Variants in PDE11A observed in about 807,000 individuals in gnomAD.
The protein encoded by PDE11A is dual 3',5'-cyclic-AMP and -GMP phosphodiesterase 11A.
In PDE11A, 100 loss-of-function variants were observed where a neutral mutation model predicts 100.5. That is an observed-to-expected ratio of 1.00 (90% CI 0.85 to 1.18). The LOEUF (loss-of-function observed/expected upper bound fraction) is 1.18, where lower values mean the gene tolerates loss of function less well. Ranked by LOEUF, PDE11A falls within the 50% of genes most tolerant of loss-of-function variation. The pLI, the probability that PDE11A is intolerant of heterozygous loss-of-function variation, is 0.00. For missense variants in PDE11A, 1,141 were observed against 1,152.6 expected (o/e 0.99, Z 0.15); for synonymous variants, 381 against 420.8 (o/e 0.91, Z 1.16).
intron 4 of PDE11A, among the ~76,000 whole-genome samples, chr2:177,887,250 A>G (rs2084450341): frequency 6.6e-6 from 1 of 152,246 alleles, no homozygotes; most frequent in African/African-American, 2.4e-5. Context: ...TCAAAAACAC[A>G]TAATTAATAC....
At chr2:177,752,630 G>A (rs1262427415) in intron 10 of PDE11A, among the ~76,000 whole-genome samples, 6 of 152,136 alleles carry the variant, frequency 3.9e-5, no homozygotes, top group Non-Finnish European at 8.8e-5. Context: ...TTGCAAGTTC[G>A]GGTTTATTTA....
At chr2:177,899,323 C>T (rs1248174030) in intron 3 of PDE11A, among the ~76,000 whole-genome samples, 1 of 152,116 alleles carries the variant, frequency 6.6e-6, no homozygotes, top group African/African-American at 2.4e-5. Context: ...GGCAGAATTG[C>T]TTGAACCCAG....
intron 9 of PDE11A, among the ~76,000 whole-genome samples, chr2:177,805,987 A>T (rs1190801026): frequency 6.6e-6 from 1 of 152,182 alleles, no homozygotes; most frequent in Admixed American, 6.6e-5. Context: ...CATATCTGGG[A>T]CCAATTGGTT....
At position 177,625,147 on chromosome 2, in the gene PDE11A, A is replaced by G. The variant is rs540784656; in HGVS notation, c.*4260T>C. Reference sequence around the variant, plus strand: ...ATAATTAGAGACAGGCTCAAGATACATCTGTAGTATGATTGTGCTTACATC... The same window carrying G: ...ATAATTAGAGACAGGCTCAAGATACGTCTGTAGTATGATTGTGCTTACATC... On this transcript the variant is annotated 3_prime_UTR_variant, in exon 20 of 20. Coordinates refer to ENST00000286063, the MANE Select transcript of PDE11A (RefSeq NM_016953.4). The G allele has an allele frequency of 2.0e-5, 3 of 152,754 alleles. No homozygotes were observed. The highest frequency in any genetic ancestry group is 2.0e-4 in the Admixed American group (3 of 15,304). 9.5% of individuals were successfully genotyped at this position (152,754 alleles called of 1,614,324 possible). A position where few individuals can be genotyped will look rare whatever the true frequency, so the allele number is the denominator to read the frequency against.
chr2:177,889,681 G>T, intron 4 of PDE11A, among the ~76,000 whole-genome samples: 1 of 149,634 alleles, frequency 6.7e-6, no homozygotes, highest in Admixed American at 6.7e-5. Flanking sequence ...TTTTAATCTA[G>T]TATTCCTTTC....
intron 2 of PDE11A, among the ~76,000 whole-genome samples, chr2:177,920,970 G>C (rs909415823): frequency 1.3e-5 from 2 of 151,620 alleles, no homozygotes; most frequent in Admixed American, 1.3e-4. Flanking sequence ...GCTGAGGCAG[G>C]AGAATGGTGT....
rs187280403 is a variant in PDE11A at position 177,972,687 on chromosome 2, A to G, written c.1071+41615T>C. Among the ~76,000 whole-genome samples, 12 of 152,294 alleles carry G rather than the reference A, an allele frequency of 7.9e-5. No individual in the cohort carries two copies. In the East Asian group the frequency reaches 2.1e-3, roughly 27 times the overall value. On this transcript the variant is annotated intron_variant, in intron 2 of 19. Transcript: ENST00000286063. ...TGGGTGGGCAAAGGGTCCTATGTATATGAGGAGGAGTTGGCCCTAGACAGA... is the reference window on the plus strand; with the variant it reads ...TGGGTGGGCAAAGGGTCCTATGTATGTGAGGAGGAGTTGGCCCTAGACAGA...
chr2:177,656,686 A>G (rs148370314), intron 19 of PDE11A, among the ~76,000 whole-genome samples: 1 of 152,378 alleles, frequency 6.6e-6, no homozygotes, highest in Non-Finnish European at 1.5e-5. Context: ...CTAATGGGGA[A>G]GAGACAGAAA....
intron 1 of PDE11A, among the ~76,000 whole-genome samples, chr2:178,014,787 G>A (rs1014463369): frequency 6.6e-6 from 1 of 152,004 alleles, no homozygotes; most frequent in Non-Finnish European, 1.5e-5. Flanking sequence ...GATATGAAAT[G>A]TCATATAAGA....
At chr2:177,636,135 T>C (rs1480977484) in intron 19 of PDE11A, among the ~76,000 whole-genome samples, 1 of 152,124 alleles carries the variant, frequency 6.6e-6, no homozygotes, top group African/African-American at 2.4e-5. Context: ...AGGATTTTTA[T>C]AATAGCCATA....
chr2:177,742,630 C>T (rs946636114), intron 10 of PDE11A, among the ~76,000 whole-genome samples: 1 of 152,152 alleles, frequency 6.6e-6, no homozygotes, highest in African/African-American at 2.4e-5. Flanking sequence ...TCTGAAGGGC[C>T]GGACAGAACA....
chr2:177,942,419 T>TTTG (rs2085355904), intron 2 of PDE11A, among the ~76,000 whole-genome samples: 1 of 151,910 alleles, frequency 6.6e-6, no homozygotes, highest in Non-Finnish European at 1.5e-5. Context: ...TTTTTTTTTT[T>TTTG]GAGACAGAGT....
rs890461553 is a variant in PDE11A, at chr2:177,885,656, G to A, written c.1303-9733C>T. ...AAATGGAAAGTAAGTGATATAGAAA[G>A]CAAAGGCTGAGGCAATTTTTGCAAC... On this transcript the variant is annotated intron_variant, in intron 4 of 19. Transcript: ENST00000286063. Among the ~76,000 whole-genome samples the A allele has an allele frequency of 3.9e-5, 6 of 152,272 alleles. No homozygotes were observed. The South Asian group carries it at 8.3e-4, about 21-fold the overall frequency.
chr2:178,076,933 T>C (rs1298869452), upstream of PDE11A, among the ~76,000 whole-genome samples: 2 of 152,136 alleles, frequency 1.3e-5, no homozygotes, highest in Non-Finnish European at 2.9e-5. Flanking sequence ...GAGGCCTCTT[T>C]CCACATTGTA....
intron 5 of PDE11A, among the ~76,000 whole-genome samples, chr2:177,874,284 A>G (rs180689923): frequency 6.6e-6 from 1 of 152,274 alleles, no homozygotes; most frequent in East Asian, 1.9e-4. Context: ...ACTTCAAAAG[A>G]TTGTTTGGGG....
In PDE11A at chr2:177,680,880, A is replaced by C; in HGVS notation, c.2369T>G (p.Leu790Arg). The C allele has an allele frequency of 6.3e-7, 1 of 1,589,494 alleles. No individual in the cohort carries two copies. Among genetic ancestry groups the C allele is most frequent in the Admixed American group, 1.7e-5 (1 of 59,950 alleles). ...YFERRTEFFE[L>R]VSKGEYDWNI... is the part of the protein sequence containing the mutation. ...CCAATCGTATTCTCCTTTACTGACA[A>C]GTTCAAAGAATTCAGTTCTCCTCCT... The change falls in exon 16 of 20, where the codon CTT becomes CGT. Residue 790 changes from leucine to arginine, a missense_variant. Coordinates refer to ENST00000286063, the MANE Select transcript of PDE11A (RefSeq NM_016953.4).
chr2:177,791,693 A>T (rs985205416), intron 9 of PDE11A, among the ~76,000 whole-genome samples: 2 of 152,162 alleles, frequency 1.3e-5, no homozygotes, highest in Non-Finnish European at 2.9e-5. Context: ...CAAATAAGTA[A>T]GATTATAGTA....
intron 12 of PDE11A, among the ~76,000 whole-genome samples, chr2:177,721,530 T>C (rs778885334): frequency 6.6e-6 from 1 of 152,194 alleles, no homozygotes; most frequent in South Asian, 2.1e-4. Context: ...TGTATGTATA[T>C]AGCACATATA....
In PDE11A at chr2:177,623,912, GACAA is replaced by G. The variant is rs927335939; in HGVS notation, c.*5491_*5494del. The G allele has an allele frequency of 2.6e-5, 4 of 152,224 alleles. No individual in the cohort carries two copies. Among genetic ancestry groups the G allele is most frequent in the Non-Finnish European group, 4.4e-5 (3 of 68,030 alleles). The allele number at this position is 152,224 out of a possible 1,614,324, so 9.4% of individuals were successfully genotyped here. On this transcript the variant is annotated 3_prime_UTR_variant, in exon 20 of 20. Transcript: ENST00000286063. ...AATTACTAGCTGAAGACAAGGTCAT[GACAA>G]ACAGTGTCAGCATGACATTGGGCAT...
Sources: gnomAD v4.1 joint callset for allele counts (sites outside exome capture counted in the v4.1 genomes callset) on GRCh38, gnomAD v4.1.1 for gene constraint, MANE v1.5 for transcripts, NCBI Gene and HGNC (gene_info 2026-07-23, HGNC 2026-07-21) for gene names.